WAC: variants seen among roughly 807,000 people sequenced by gnomAD.
WAC encodes WW domain-containing adapter protein with coiled-coil.
WAC carries 11 observed loss-of-function variants against 79.6 expected under a neutral mutation model. The observed-to-expected ratio is 0.14, with a 90% confidence interval of 0.09 to 0.23. The LOEUF is 0.23. WAC is among the 10% of genes least tolerant of loss of function. WAC has a pLI of 1.00. For missense variants in WAC, 728 were observed against 773.5 expected, an observed-to-expected ratio of 0.94 and a Z score of 0.70; for synonymous variants, 304 against 276.9, an observed-to-expected ratio of 1.10 and a Z score of -0.97.
intron 12 of WAC, 50 bp from the exon 13 acceptor site, chr10:28,617,607 G>A (rs1036281801): frequency 6.8e-7 from 1 of 1,462,334 alleles, no homozygotes; most frequent in African/African-American, 1.5e-5. Context: ...GTTTTATTTT[G>A]TGTATGTTAA....
Position 28,595,852 on chromosome 10 carries a change from A to G in WAC, c.730A>G (p.Thr244Ala), listed in dbSNP as rs377018896. ...AAGAGCAGAGACTCACAGTAGTTCT[A>G]CGCCAGTACAGCACCCCATCAAACC... ...LPRAETHSSS[T>A]PVQHPIKPVV... Residue 244 changes from threonine (T) to alanine (A), a missense_variant, in exon 7 of 14, where the codon ACG becomes GCG. By Grantham distance (58) the Thr-to-Ala change is moderately conservative (BLOSUM62 0). Around this residue, in one of 3 missense-constraint regions of WAC, gnomAD observed 648 missense variants for 661.5 expected, o/e 0.98. Transcript: ENST00000354911. 6 of 1,614,198 alleles carry G rather than the reference A, an allele frequency of 3.7e-6. No individual in the cohort carries two copies. The highest frequency in any genetic ancestry group is 1.1e-5 in the South Asian group (1 of 91,090).
intron 3 of WAC, 145 bp from the exon 4 acceptor site, chr10:28,583,254 A>G: frequency 1.9e-6 from 1 of 532,116 alleles, no homozygotes; most frequent in Non-Finnish European, 3.2e-6. Context: ...ATACTATAAA[A>G]AGTATGACTG....
At chr10:28,533,866 C>T (rs894990756) in intron 1 of WAC, 132 bp from the exon 2 acceptor site, 3 of 1,173,894 alleles carry the variant, frequency 2.6e-6, no homozygotes, top group African/African-American at 3.2e-5. Context: ...GTGCCGTGTG[C>T]GTGCGGGGCT....
chr10:28,562,968 G>T (rs747131027), intron 3 of WAC, among the ~76,000 whole-genome samples: 1 of 152,072 alleles, frequency 6.6e-6, no homozygotes, highest in Admixed American at 6.5e-5. Flanking sequence ...AGTGTGCAGC[G>T]GGTGATCAAA....
chr10:28,623,068 T>TAA lies in WAC; in HGVS notation c.*3462_*3463insAA, dbSNP rs1232250195. 4.6e-5 allele frequency: 7 copies of TAA among 152,318 alleles called. No homozygotes were observed. Among genetic ancestry groups the TAA allele is most frequent in the African/African-American group, 1.7e-4 (7 of 41,562 alleles). 9.4% of individuals were successfully genotyped at this position (152,318 alleles called of 1,614,324 possible). On this transcript the variant is annotated 3_prime_UTR_variant, in exon 14 of 14. Transcript: ENST00000354911. ...AAAGTCTTAGAATGCATAATTTGCA[T>TAA]TTGAGTAAGGAAATTTAAAATACAG...
Position 28,567,027 on chromosome 10 carries a change from T to A in WAC, c.275-16372T>A, listed in dbSNP as rs75227228. On this transcript the variant is annotated intron_variant, in intron 3 of 13. Coordinates refer to ENST00000354911, the MANE Select transcript of WAC (RefSeq NM_016628.5). ...TCATATTGGGCATCTTATCTCTAAGTACTTTACATTTTTGTCTTATGTGCT... is the reference window on the plus strand; with the variant it reads ...TCATATTGGGCATCTTATCTCTAAGAACTTTACATTTTTGTCTTATGTGCT... Among the ~76,000 whole-genome samples the A allele has an allele frequency of 3.9e-5, 6 of 152,018 alleles. No homozygotes were observed. In the East Asian group the frequency reaches 1.2e-3, roughly 29 times the overall value.
chr10:28,545,725 A>G (rs190890841), intron 3 of WAC, among the ~76,000 whole-genome samples: 151 of 152,336 alleles, frequency 9.9e-4, no homozygotes, highest in Non-Finnish European at 1.5e-3. Context: ...AGTAATTGCT[A>G]TTAAATAGCT....
Position 28,558,768 on chromosome 10 carries a change from T to C in WAC, c.274+23011T>C, listed in dbSNP as rs566858090. ...TCAAGAAATTCAAGGAATCCAAAGGTGGTGCTGTCCTGTGGTAAAGATAAG... is the reference window on the plus strand; with the variant it reads ...TCAAGAAATTCAAGGAATCCAAAGGCGGTGCTGTCCTGTGGTAAAGATAAG... On this transcript the variant is annotated intron_variant, in intron 3 of 13. Coordinates refer to ENST00000354911, the MANE Select transcript of WAC (RefSeq NM_016628.5). 3.5e-4 allele frequency among the ~76,000 whole-genome samples: 53 copies of C among 152,284 alleles called. No homozygotes were observed. In the East Asian group the frequency reaches 6.8e-3, roughly 19 times the overall value.
intron 6 of WAC, chr10:28,591,042 A>C (rs1046094798): frequency 4.0e-6 from 2 of 495,456 alleles, no homozygotes; most frequent in Non-Finnish European, 7.2e-6. Context: ...TGTGTTTCCC[A>C]CTACACATTA....
In WAC at chr10:28,617,797, C is replaced by T. The variant is rs1841536606; in HGVS notation, c.1874+13C>T. 3 of 1,570,082 alleles carry T rather than the reference C, an allele frequency of 1.9e-6. No individual in the cohort carries two copies. Among genetic ancestry groups the T allele is most frequent in the Non-Finnish European group, 2.6e-6 (3 of 1,167,018 alleles). On this transcript the variant is annotated intron_variant, in intron 13 of 13. Coordinates refer to ENST00000354911, the MANE Select transcript of WAC (RefSeq NM_016628.5). The stretch of plus-strand genomic sequence containing the variant: ...TGCGAGAGCAAAGGTAAGTCTTTCA[C>T]TGAAATATATTTTTATGTTTCTCAG...
chr10:28,607,524 G>T (rs1221842760), intron 7 of WAC, among the ~76,000 whole-genome samples: 1 of 152,146 alleles, frequency 6.6e-6, no homozygotes, highest in Admixed American at 6.5e-5. Context: ...ATACTATGAG[G>T]TGGGTTGTTT....
At chr10:28,610,484 A>T (rs1315871148) in intron 8 of WAC, among the ~76,000 whole-genome samples, 1 of 151,578 alleles carries the variant, frequency 6.6e-6, no homozygotes, top group Non-Finnish European at 1.5e-5. Flanking sequence ...CTGTTGGTTT[A>T]CCTTTATTGT....
At chr10:28,599,101 C>T (rs936675243) in intron 7 of WAC, among the ~76,000 whole-genome samples, 14 of 152,036 alleles carry the variant, frequency 9.2e-5, no homozygotes, top group South Asian at 2.1e-4. Context: ...TTTTTCTCAA[C>T]GGAGACATCC....
chr10:28,559,880 T>C (rs1838208622), intron 3 of WAC, among the ~76,000 whole-genome samples: 1 of 152,206 alleles, frequency 6.6e-6, no homozygotes, highest in South Asian at 2.1e-4. Flanking sequence ...GATAGATGTT[T>C]CTTTTCTTTC....
intron 6 of WAC, among the ~76,000 whole-genome samples, chr10:28,593,530 G>A (rs370704072): frequency 6.6e-6 from 1 of 152,216 alleles, no homozygotes; most frequent in East Asian, 1.9e-4. Flanking sequence ...CACTTTGGGA[G>A]GCCGAGACGG....
rs9331408 is a variant in WAC at position 28,621,215 on chromosome 10, A to ATTTT, written c.*1626_*1629dup. On this transcript the variant is annotated 3_prime_UTR_variant, in exon 14 of 14. Coordinates refer to ENST00000354911, the MANE Select transcript of WAC (RefSeq NM_016628.5). ...TAAATTGGTTTAGGGTTTTTTGGTG[A>ATTTT]TTTTTTTTTTTTTTTTTTTTCTGTT... The ATTTT allele has an allele frequency of 3.9e-5, 4 of 102,504 alleles. No homozygotes were observed. The highest frequency in any genetic ancestry group is 7.4e-5 in the African/African-American group (2 of 27,056). The allele number at this position is 102,504 out of a possible 1,614,324, so 6.3% of individuals were successfully genotyped here. A position where few individuals can be genotyped will look rare whatever the true frequency, so the allele number is the denominator to read the frequency against.
At chr10:28,544,510 C>T (rs1837245264) in intron 3 of WAC, among the ~76,000 whole-genome samples, 2 of 152,152 alleles carry the variant, frequency 1.3e-5, no homozygotes, top group African/African-American at 4.8e-5. Flanking sequence ...AAAGCATTTA[C>T]CTCAGTGCCC....
intron 3 of WAC, among the ~76,000 whole-genome samples, chr10:28,544,586 G>A (rs1243168392): frequency 6.6e-6 from 1 of 152,176 alleles, no homozygotes; most frequent in Non-Finnish European, 1.5e-5. Context: ...TGTCAGATTA[G>A]CAACCTATAG....
At chr10:28,538,846 T>TA (rs1836834961) in intron 3 of WAC, among the ~76,000 whole-genome samples, 1 of 138,546 alleles carries the variant, frequency 7.2e-6, no homozygotes, top group Non-Finnish European at 1.5e-5. Context: ...CCTGGGTTGA[T>TA]AGAGTGAGAC....
Sources: allele counts gnomAD v4.1 joint callset (sites outside exome capture counted in the v4.1 genomes callset), GRCh38; gene constraint gnomAD v4.1.1; regional missense constraint gnomAD v4.1.1; transcripts MANE v1.5; gene names NCBI Gene and HGNC (gene_info 2026-07-23, HGNC 2026-07-21).